Variants in GABRA2 observed in about 807,000 individuals in gnomAD.
GABRA2 encodes gamma-aminobutyric acid type A receptor subunit alpha2, also known as gamma-aminobutyric acid receptor subunit alpha-2.
Under a neutral mutation model 48.7 loss-of-function variants are expected in GABRA2, and 16 were observed. That is an observed-to-expected ratio of 0.33 (90% confidence interval 0.22 to 0.50). GABRA2 has a LOEUF of 0.50. Ranked by LOEUF, GABRA2 falls within the 20% of genes least tolerant of loss-of-function variation. The pLI, the probability that GABRA2 is intolerant of heterozygous loss-of-function variation, is 0.98. For synonymous variants in GABRA2, 185 were observed against 184.5 expected (o/e 1.00, Z -0.02); for missense variants, 275 against 535.6 (o/e 0.51, Z 4.80).
chr4:46,384,243 G>T (rs1214209119), intron 3 of GABRA2, among the ~76,000 whole-genome samples: 1 of 152,132 alleles, frequency 6.6e-6, no homozygotes, highest in East Asian at 1.9e-4. Context: ...ATCAAGAGAA[G>T]AGAGTGACAT....
intron 3 of GABRA2, among the ~76,000 whole-genome samples, chr4:46,355,596 T>G (rs907198645): frequency 6.6e-6 from 1 of 152,176 alleles, no homozygotes; most frequent in African/African-American, 2.4e-5. Flanking sequence ...GCATTCACTT[T>G]AGCACTTCCT....
chr4:46,340,431 G>A (rs1424811644), intron 3 of GABRA2, among the ~76,000 whole-genome samples: 1 of 151,556 alleles, frequency 6.6e-6, no homozygotes, highest in Non-Finnish European at 1.5e-5. Flanking sequence ...TGTTTCTATG[G>A]ATTTGCTTAT....
At chr4:46,322,634 C>T (rs542371687) in intron 4 of GABRA2, among the ~76,000 whole-genome samples, 2 of 152,156 alleles carry the variant, frequency 1.3e-5, no homozygotes, top group South Asian at 4.1e-4. Context: ...GAACAAGAAT[C>T]GTGACCACCT....
At chr4:46,377,411 T>C (rs1247825436) in intron 3 of GABRA2, among the ~76,000 whole-genome samples, 2 of 143,210 alleles carry the variant, frequency 1.4e-5, no homozygotes, top group Non-Finnish European at 3.0e-5. Flanking sequence ...GTGAGGAGCG[T>C]CTCTGCCCAG....
At chr4:46,322,212 G>A (rs537538398) in intron 4 of GABRA2, among the ~76,000 whole-genome samples, 1 of 152,022 alleles carries the variant, frequency 6.6e-6, no homozygotes, top group East Asian at 1.9e-4. Flanking sequence ...ACATCTAGAT[G>A]GCCTAAGAGA....
At chr4:46,291,605 C>T (rs996149306) in intron 8 of GABRA2, among the ~76,000 whole-genome samples, 1 of 151,948 alleles carries the variant, frequency 6.6e-6, no homozygotes, top group Non-Finnish European at 1.5e-5. Context: ...GCTTAGCCTC[C>T]CAGCCTATAT....
At chr4:46,365,406 C>T (rs1327960665) in intron 3 of GABRA2, 1 of 152,070 alleles carries the variant, frequency 6.6e-6, no homozygotes, top group Non-Finnish European at 1.5e-5. Flanking sequence ...CTATCAAACT[C>T]CATGAACTCT....
chr4:46,298,978 T>C (rs972240112), intron 8 of GABRA2, among the ~76,000 whole-genome samples: 1 of 151,210 alleles, frequency 6.6e-6, no homozygotes, highest in African/African-American at 2.4e-5. Context: ...TAAAAGATCA[T>C]ATATTATACA....
chr4:46,373,913 C>A (rs371064804), intron 3 of GABRA2, among the ~76,000 whole-genome samples: 4 of 152,128 alleles, frequency 2.6e-5, no homozygotes, highest in East Asian at 3.9e-4. Context: ...CATACTCCCC[C>A]CTACCTGACC....
At chr4:46,378,260 G>C (rs1274250723) in intron 3 of GABRA2, among the ~76,000 whole-genome samples, 1 of 152,200 alleles carries the variant, frequency 6.6e-6, no homozygotes, top group African/African-American at 2.4e-5. Context: ...GATGGTTGCC[G>C]TGTCTGTGTA....
At chr4:46,329,007 T>C (rs1424941710) in intron 4 of GABRA2, among the ~76,000 whole-genome samples, 1 of 152,110 alleles carries the variant, frequency 6.6e-6, no homozygotes, top group East Asian at 1.9e-4. Context: ...TGTGTTTGTA[T>C]GTGTCTGTGT....
intron 8 of GABRA2, among the ~76,000 whole-genome samples, chr4:46,265,516 G>A (rs1397024240): frequency 1.6e-5 from 2 of 128,270 alleles, no homozygotes; most frequent in Admixed American, 1.5e-4. Flanking sequence ...TTTCTCTATG[G>A]TCAGAAGTGA....
At chr4:46,352,247 A>G (rs896597841) in intron 3 of GABRA2, among the ~76,000 whole-genome samples, 3 of 151,934 alleles carry the variant, frequency 2.0e-5, no homozygotes, top group Admixed American at 2.0e-4. Context: ...GTTACAACTA[A>G]ATCAGGGTAT....
intron 3 of GABRA2, among the ~76,000 whole-genome samples, chr4:46,376,258 A>G (rs1035943742): frequency 1.3e-5 from 2 of 152,264 alleles, no homozygotes; most frequent in African/African-American, 2.4e-5. Context: ...TCATTTCACT[A>G]TCTTCACTAC....
chr4:46,307,486 G>A (rs890839654), intron 6 of GABRA2, among the ~76,000 whole-genome samples: 1 of 146,944 alleles, frequency 6.8e-6, no homozygotes, highest in Admixed American at 6.8e-5. Context: ...GAATTATAAT[G>A]TTTCTTTTAA....
intron 8 of GABRA2, among the ~76,000 whole-genome samples, chr4:46,266,850 T>G (rs957338191): frequency 1.3e-5 from 2 of 150,386 alleles, no homozygotes; most frequent in Non-Finnish European, 3.0e-5. Context: ...GCCTCCCGAG[T>G]AGTTGGGATT....
At chr4:46,370,303 A>C (rs1056243311) in intron 3 of GABRA2, among the ~76,000 whole-genome samples, 5 of 152,122 alleles carry the variant, frequency 3.3e-5, no homozygotes, top group African/African-American at 1.2e-4. Context: ...AAGAGTTAAA[A>C]GTATAGAACA....
chr4:46,289,110 T>C (rs1242409050), intron 8 of GABRA2, among the ~76,000 whole-genome samples: 2 of 151,870 alleles, frequency 1.3e-5, no homozygotes, highest in Non-Finnish European at 2.9e-5. Context: ...TTGGTGTGAG[T>C]GTAAATTAGT....
chr4:46,302,991 T>C (rs1283250058), intron 8 of GABRA2, among the ~76,000 whole-genome samples: 2 of 152,176 alleles, frequency 1.3e-5, no homozygotes, highest in Admixed American at 6.5e-5. Context: ...TTTGTAATGG[T>C]GACTAGAACA....
Sources: gnomAD v4.1 joint callset for allele counts (sites outside exome capture counted in the v4.1 genomes callset) on GRCh38, gnomAD v4.1.1 for gene constraint, MANE v1.5 for transcripts, NCBI Gene and HGNC (gene_info 2026-07-23, HGNC 2026-07-21) for gene names.